ANK3: variants seen among roughly 807,000 people sequenced by gnomAD.
ANK3 encodes the protein ankyrin-3.
A neutral mutation model predicts 370.9 loss-of-function variants in ANK3; 57 were observed. That is an observed-to-expected ratio of 0.15 (90% confidence interval 0.12 to 0.19). The LOEUF (loss-of-function observed/expected upper bound fraction) is 0.19, where lower values mean the gene tolerates loss of function less well. Among genes scored for constraint, ANK3 ranks in the 10% least tolerant of loss-of-function variants. The pLI is 1.00. For synonymous variants in ANK3, 1,929 were observed against 1,946.3 expected, an observed-to-expected ratio of 0.99 and a Z score of 0.23; for missense variants, 4,439 against 5,302.1, an observed-to-expected ratio of 0.84 and a Z score of 5.06.
At chr10:60,405,331 G>A (rs2132913843) in intron 2 of ANK3, among the ~76,000 whole-genome samples, 1 of 152,214 alleles carries the variant, frequency 6.6e-6, no homozygotes, top group Non-Finnish European at 1.5e-5. Flanking sequence ...TAATCTTAAA[G>A]AAGGAAAAAA....
At chr10:60,149,765 G>A (rs2095013790) in intron 23 of ANK3, among the ~76,000 whole-genome samples, 1 of 152,250 alleles carries the variant, frequency 6.6e-6, no homozygotes, top group Non-Finnish European at 1.5e-5. Context: ...CTGGTGTGCA[G>A]TGGTACGATC....
intron 2 of ANK3, among the ~76,000 whole-genome samples, chr10:60,409,936 T>G (rs117138449): frequency 9.3e-4 from 141 of 152,178 alleles, no homozygotes; most frequent in Middle Eastern, 3.4e-3. Flanking sequence ...AGCCCTAGTC[T>G]CTCAGCTTCA....
rs1555186003 is a variant in ANK3 at position 60,240,306 on chromosome 10, A to ATT, written c.799-5522_799-5521dup. The stretch of plus-strand genomic sequence containing the variant: ...CATATATATATATATATATATATAT[A>ATT]TTTTTTTTTCTTTTTGAGATAGAGT... On this transcript the variant is annotated intron_variant, in intron 7 of 43. Transcript: ENST00000280772. 1.4e-3 allele frequency among the ~76,000 whole-genome samples: 170 copies of ATT among 119,742 alleles called. 6 individuals carry two copies. The highest frequency in any genetic ancestry group is 4.7e-3 in the African/African-American group (150 of 31,742). 78.6% of individuals were successfully genotyped at this position (119,742 alleles called of 152,430 possible). A position where few individuals can be genotyped will look rare whatever the true frequency, so the allele number is the denominator to read the frequency against.
At chr10:60,338,463 T>G (rs1341448856) in intron 1 of ANK3, among the ~76,000 whole-genome samples, 1 of 152,180 alleles carries the variant, frequency 6.6e-6, no homozygotes, top group African/African-American at 2.4e-5. Context: ...GAGCCACACT[T>G]ACAAAATTGA....
At chr10:60,631,394 T>G (rs926746475) in intron 1 of ANK3, among the ~76,000 whole-genome samples, 3 of 151,906 alleles carry the variant, frequency 2.0e-5, no homozygotes, top group African/African-American at 7.3e-5. Context: ...TATCTGGGCA[T>G]GGAGGTGCGT....
At chr10:60,714,063 T>C (rs2079748768) in intron 1 of ANK3, among the ~76,000 whole-genome samples, 1 of 152,096 alleles carries the variant, frequency 6.6e-6, no homozygotes, top group Non-Finnish European at 1.5e-5. Context: ...GGGGCCACCA[T>C]TATTGATCTC....
chr10:60,043,124 T>C (rs2076400117), intron 42 of ANK3: 1 of 1,016,436 alleles, frequency 9.8e-7, no homozygotes, highest in Non-Finnish European at 1.2e-6. Context: ...TCAGACTTCT[T>C]AGTTAAGTAC....
Position 60,074,198 on chromosome 10 carries a change from T to A in ANK3, c.6683A>T (p.Asp2228Val). ...TTTGCTTAAAACCCGATTGTGGTCA[T>A]CTTCTTCACTACTGGCTTTCATTTG... ...AFQMKASSEEDDHNRVLSKGM... is the reference protein window; with the variant it reads ...AFQMKASSEEVDHNRVLSKGM... The change falls in exon 37 of 44, where the codon GAT becomes GTT. Residue 2228 changes from aspartate (D) to valine (V), a missense_variant. By Grantham distance (152) the Asp-to-Val change is radical. Coordinates refer to ENST00000280772, the MANE Select transcript of ANK3 (RefSeq NM_020987.5). 5 of 1,614,130 alleles carry A rather than the reference T, an allele frequency of 3.1e-6. No individual in the cohort carries two copies. Among genetic ancestry groups the A allele is most frequent in the Non-Finnish European group, 4.2e-6 (5 of 1,180,008 alleles).
Position 60,646,575 on chromosome 10 carries a change from C to A in ANK3, c.58-31351G>T, listed in dbSNP as rs183034876. On this transcript the variant is annotated intron_variant, in intron 1 of 43. Transcript: ENST00000373827. ...CAACAAAAAGACAACTACAGAGATCCAGTTCCAGGCTCAGGGCCTGTGGCA... is the reference window on the plus strand; with the variant it reads ...CAACAAAAAGACAACTACAGAGATCAAGTTCCAGGCTCAGGGCCTGTGGCA... 2.3e-3 allele frequency among the ~76,000 whole-genome samples: 350 copies of A among 152,180 alleles called. 6 individuals are homozygous for A. Among genetic ancestry groups the A allele is most frequent in the Non-Finnish European group, 4.0e-3 (269 of 68,016 alleles).
At chr10:60,183,056 G>A (rs1024376505) in intron 17 of ANK3, among the ~76,000 whole-genome samples, 24 of 152,162 alleles carry the variant, frequency 1.6e-4, no homozygotes, top group African/African-American at 5.5e-4. Context: ...ATGTGTTGTG[G>A]GCACATGTTG....
chr10:60,113,812 A>C (rs2092893903), intron 26 of ANK3, among the ~76,000 whole-genome samples: 1 of 152,228 alleles, frequency 6.6e-6, no homozygotes, highest in Non-Finnish European at 1.5e-5. Context: ...ATACTTACAT[A>C]TTTAATTTTC....
chr10:60,722,672 C>T (rs780586004), intron 1 of ANK3, among the ~76,000 whole-genome samples: 20 of 152,046 alleles, frequency 1.3e-4, no homozygotes, highest in South Asian at 2.1e-4. Flanking sequence ...AGGTGGGGCC[C>T]GGTGGGAGGT....
intron 1 of ANK3, among the ~76,000 whole-genome samples, chr10:60,308,482 G>A (rs1283002260): frequency 1.3e-5 from 2 of 151,892 alleles, no homozygotes; most frequent in African/African-American, 4.8e-5. Context: ...CACCAGGTTG[G>A]CAAGGCTGGT....
In ANK3 at chr10:60,075,952, G is replaced by C; in HGVS notation, c.4929C>G (p.Pro1643=). 1 of 1,614,124 alleles carries C rather than the reference G, an allele frequency of 6.2e-7. No homozygotes were observed. The highest frequency in any genetic ancestry group is 8.5e-7 in the Non-Finnish European group (1 of 1,180,000). Residue 1643 remains proline (P), a synonymous_variant, in exon 37 of 44, where the codon CCC becomes CCG. Transcript: ENST00000280772. ...TAATGTTTGATTTGGGGGAGGCAGG[G>C]GGTGTCATAGTAATTGATGACCTCT... ...LLERSSITMT[P]PASPKSNINM... is the part of the protein sequence containing the mutation.
chr10:60,180,903 A>G (rs1447595378), intron 18 of ANK3, among the ~76,000 whole-genome samples: 1 of 152,158 alleles, frequency 6.6e-6, no homozygotes, highest in Non-Finnish European at 1.5e-5. Flanking sequence ...AGTGAGTAAT[A>G]TTTAAATAAG....
intron 1 of ANK3, among the ~76,000 whole-genome samples, chr10:60,668,029 C>T (rs552377990): frequency 6.6e-6 from 1 of 151,646 alleles, no homozygotes; most frequent in Admixed American, 6.5e-5. Context: ...AGCAAATTCC[C>T]AGGTGACTTT....
chr10:60,541,787 C>A (rs141452420), intron 2 of ANK3, among the ~76,000 whole-genome samples: 1 of 151,936 alleles, frequency 6.6e-6, no homozygotes, highest in Non-Finnish European at 1.5e-5. Context: ...AGCATCCTGA[C>A]AGGCTTTTCC....
At chr10:60,524,909 T>C (rs978146326) in intron 2 of ANK3, among the ~76,000 whole-genome samples, 1 of 152,124 alleles carries the variant, frequency 6.6e-6, no homozygotes, top group East Asian at 1.9e-4. Flanking sequence ...AACAGAAATA[T>C]TGTGCAATGT....
At chr10:60,048,501 A>G (rs1221350110) in intron 42 of ANK3, among the ~76,000 whole-genome samples, 1 of 152,208 alleles carries the variant, frequency 6.6e-6, no homozygotes, top group Non-Finnish European at 1.5e-5. Flanking sequence ...GGACCCCTGC[A>G]GATAGCAAAA....
Sources: allele counts gnomAD v4.1 joint callset (sites outside exome capture counted in the v4.1 genomes callset), GRCh38; gene constraint gnomAD v4.1.1; transcripts MANE v1.5; gene names NCBI Gene and HGNC (gene_info 2026-07-23, HGNC 2026-07-21).